The following CRX variants were observed in gnomAD, a reference collection of about 807,000 sequenced individuals.
CRX encodes cone-rod homeobox.
A neutral mutation model predicts 13.1 loss-of-function variants in CRX; 5 were observed. The observed-to-expected ratio is 0.38, with a 90% CI of 0.20 to 0.80. The LOEUF is 0.80. Among genes scored for constraint, CRX ranks in the 30% least tolerant of loss-of-function variants. CRX has a pLI of 0.43. For synonymous variants in CRX, 179 were observed against 171.1 expected (o/e 1.05, Z -0.36); for missense variants, 351 against 391.8 (o/e 0.90, Z 0.88).
chr19:47,832,303 A>C (rs1968061138), intron 1 of CRX, among the ~76,000 whole-genome samples: 1 of 149,932 alleles, frequency 6.7e-6, no homozygotes, highest in Non-Finnish European at 1.5e-5. Context: ...ACGGGGTTTC[A>C]CCATGTTGGC....
chr19:47,826,573 C>A (rs1967977386), intron 1 of CRX, among the ~76,000 whole-genome samples: 3 of 152,166 alleles, frequency 2.0e-5, no homozygotes, highest in African/African-American at 7.2e-5. Flanking sequence ...CCACTGCACT[C>A]CAGCCTGGGT....
chr19:47,829,510 T>C (rs1449162675), intron 1 of CRX, among the ~76,000 whole-genome samples: 1 of 152,160 alleles, frequency 6.6e-6, no homozygotes, highest in Non-Finnish European at 1.5e-5. Flanking sequence ...TTTGTATTTT[T>C]AGTAGAGACA....
At chr19:47,833,246 CGTT>C (rs1968075930) in intron 1 of CRX, among the ~76,000 whole-genome samples, 1 of 57,930 alleles carries the variant, frequency 1.7e-5, no homozygotes. Flanking sequence ...CCCTTACTGT[CGTT>C]TTTTTGTTTG....
At chr19:47,822,346 C>G (rs1308925590) in intron 1 of CRX, among the ~76,000 whole-genome samples, 1 of 152,206 alleles carries the variant, frequency 6.6e-6, no homozygotes, top group Non-Finnish European at 1.5e-5. Context: ...GGCAACTCCT[C>G]AGCATACCGC....
intron 1 of CRX, among the ~76,000 whole-genome samples, chr19:47,825,578 G>A (rs991450791): frequency 2.0e-5 from 3 of 151,948 alleles, no homozygotes; most frequent in Admixed American, 1.3e-4. Flanking sequence ...GTTTGATCTG[G>A]GGCCCACACT....
chr19:47,823,280 G>A (rs1967933619), intron 1 of CRX, among the ~76,000 whole-genome samples: 1 of 152,214 alleles, frequency 6.6e-6, no homozygotes, highest in Non-Finnish European at 1.5e-5. Flanking sequence ...GGTAGAAGCA[G>A]GTAGACAGAC....
chr19:47,837,010 G>A (rs78232896), intron 3 of CRX, among the ~76,000 whole-genome samples: 1,660 of 151,894 alleles, frequency 0.011, 30 homozygotes, highest in African/African-American at 0.037. Context: ...ATATATGAGT[G>A]TCTGTGTGTA....
chr19:47,839,664 C>T lies in CRX; in HGVS notation c.597C>T (p.Ser199=), dbSNP rs61748455. The T allele has an allele frequency of 3.3e-4, 536 of 1,613,532 alleles. 2 individuals carry two copies. The highest frequency in any genetic ancestry group is 1.6e-4 in the Middle Eastern group (1 of 6,084). Residue 199 remains serine (S), a synonymous_variant, in exon 4 of 4, where the codon TCC becomes TCT. Coordinates refer to ENST00000221996, the MANE Select transcript of CRX (RefSeq NM_000554.6). This position sits in a 1 kb window ranked among gnomAD's most constrained non-coding sequence, Gnocchi z 4.6. ...APYAMTYAPA[S]AFCSSPSAYG... is the part of the protein sequence containing the mutation. Reference sequence around the variant, plus strand: ...ATGCCATGACCTACGCCCCGGCCTCCGCTTTCTGCTCTTCCCCCTCCGCCT... The same window carrying T: ...ATGCCATGACCTACGCCCCGGCCTCTGCTTTCTGCTCTTCCCCCTCCGCCT...
At chr19:47,827,841 A>T (rs1227776409) in intron 1 of CRX, among the ~76,000 whole-genome samples, 10 of 28,612 alleles carry the variant, frequency 3.5e-4, no homozygotes, top group African/African-American at 1.3e-3. Context: ...TTTATTAAAA[A>T]AAAAAAAAAA....
At chr19:47,833,716 G>T (rs562657865) in intron 1 of CRX, among the ~76,000 whole-genome samples, 2 of 152,220 alleles carry the variant, frequency 1.3e-5, no homozygotes, top group Non-Finnish European at 2.9e-5. Context: ...GGCAAAGAGG[G>T]ACGGTTGGTC....
At chr19:47,828,569 T>C (rs1968004358) in intron 1 of CRX, among the ~76,000 whole-genome samples, 1 of 151,694 alleles carries the variant, frequency 6.6e-6, no homozygotes, top group Admixed American at 6.6e-5. Context: ...CATATAAATA[T>C]GTCGTTTAAT....
chr19:47,827,537 C>CTT (rs71180887), intron 1 of CRX, among the ~76,000 whole-genome samples: 2,408 of 90,300 alleles, frequency 0.027, 182 homozygotes, highest in African/African-American at 0.085. Context: ...TTTCTGAAGG[C>CTT]TTTTTTTTTT....
At position 47,840,825 on chromosome 19, in the gene CRX, T is replaced by C. The variant is rs1032502480; in HGVS notation, c.*858T>C. 6.6e-6 allele frequency: 1 copy of C among 151,392 alleles called. No homozygotes were observed. The highest frequency in any genetic ancestry group is 1.5e-5 in the Non-Finnish European group (1 of 67,918). 9.4% of individuals were successfully genotyped at this position (151,392 alleles called of 1,614,324 possible). ...ACCTCCCGGGTTGAAGCGTTGCTCC[T>C]GCCTCAATCTCCCAATTAGCTGGGA... On this transcript the variant is annotated 3_prime_UTR_variant, in exon 4 of 4. Coordinates refer to ENST00000221996, the MANE Select transcript of CRX (RefSeq NM_000554.6).
chr19:47,828,937 CACACAA>C (rs952181926), intron 1 of CRX, among the ~76,000 whole-genome samples: 8 of 118,500 alleles, frequency 6.8e-5, no homozygotes, highest in Admixed American at 6.6e-4. Context: ...CACACACACA[CACACAA>C]TTAAAAAGTA....
In CRX at chr19:47,831,191, C is replaced by T. The variant is rs149215886; in HGVS notation, c.-35-3218C>T. ...GCATGGTGGCGCATGCCTGTAATCC[C>T]AGCTCCTCAGGAGGCTGAGGCAGGA... On this transcript the variant is annotated intron_variant, in intron 1 of 3. Coordinates refer to ENST00000221996, the MANE Select transcript of CRX (RefSeq NM_000554.6). Among the ~76,000 whole-genome samples the T allele has an allele frequency of 2.9e-3, 438 of 151,320 alleles. 4 individuals carry two copies. Among genetic ancestry groups the T allele is most frequent in the African/African-American group, 0.01 (420 of 41,220 alleles).
In CRX at chr19:47,839,378, A is replaced by G. The variant is rs769592519; in HGVS notation, c.311A>G (p.Gln104Arg). ...CRQQRQQQKQ[Q>R]QQPPGGQAKA... ...CAGCAGCGACAGCAGCAGAAACAGCAGCAGCAGCCCCCAGGGGGCCAGGCC... is the reference window on the plus strand; with the variant it reads ...CAGCAGCGACAGCAGCAGAAACAGCGGCAGCAGCCCCCAGGGGGCCAGGCC... Residue 104 changes from glutamine to arginine, a missense_variant, in exon 4 of 4, where the codon CAG (glutamine) becomes CGG (arginine). Gln to Arg is a conservative substitution (Grantham distance 43). Coordinates refer to ENST00000221996, the MANE Select transcript of CRX (RefSeq NM_000554.6). The surrounding 1 kb of genome is among the most constrained non-coding windows in gnomAD (Gnocchi z 4.6). 53 of 1,613,566 alleles carry G rather than the reference A, an allele frequency of 3.3e-5. No homozygotes were observed. Among genetic ancestry groups the G allele is most frequent in the Middle Eastern group, 1.6e-4 (1 of 6,078 alleles).
chr19:47,825,116 C>G (rs957525541), intron 1 of CRX, among the ~76,000 whole-genome samples: 1 of 151,104 alleles, frequency 6.6e-6, no homozygotes, highest in South Asian at 2.1e-4. Flanking sequence ...TCAGCCTCCC[C>G]AGAAGCTGGG....
At chr19:47,830,581 G>C (rs1968032006) in intron 1 of CRX, among the ~76,000 whole-genome samples, 1 of 151,870 alleles carries the variant, frequency 6.6e-6, no homozygotes, top group Non-Finnish European at 1.5e-5. Flanking sequence ...GGTGCCTGAG[G>C]TCAGGAGTTC....
chr19:47,835,980 T>C (rs1403722695), intron 2 of CRX, among the ~76,000 whole-genome samples: 1 of 152,150 alleles, frequency 6.6e-6, no homozygotes, highest in Non-Finnish European at 1.5e-5. Context: ...ATGCTTCAAC[T>C]GATTATGTCT....
Sources: gnomAD v4.1 joint callset for allele counts (sites outside exome capture counted in the v4.1 genomes callset) on GRCh38, gnomAD v4.1.1 for gene constraint, Gnocchi (gnomAD v3.1) non-coding constraint, MANE v1.5 for transcripts, NCBI Gene and HGNC (gene_info 2026-07-23, HGNC 2026-07-21) for gene names.